PTPRM: variants seen among roughly 807,000 people sequenced by gnomAD.
PTPRM encodes receptor-type tyrosine-protein phosphatase mu.
In PTPRM, 47 loss-of-function variants were observed where a neutral mutation model predicts 186.7. The observed-to-expected ratio is 0.25, with a 90% CI of 0.20 to 0.32. PTPRM has a LOEUF of 0.32. PTPRM is among the 10% of genes least tolerant of loss of function. The pLI, the probability that PTPRM is intolerant of heterozygous loss-of-function variation, is 1.00. For missense variants in PTPRM, 1,494 were observed against 1,865.0 expected, an observed-to-expected ratio of 0.80 and a Z score of 3.66; for synonymous variants, 668 against 674.9, an observed-to-expected ratio of 0.99 and a Z score of 0.16.
At chr18:7,809,566 G>C (rs374658778) in intron 2 of PTPRM, among the ~76,000 whole-genome samples, 2 of 152,180 alleles carry the variant, frequency 1.3e-5, no homozygotes, top group African/African-American at 4.8e-5. Flanking sequence ...GTAGCTCCTC[G>C]GTCCTCCACG....
At chr18:7,601,819 T>C (rs563291965) in intron 1 of PTPRM, among the ~76,000 whole-genome samples, 1 of 152,352 alleles carries the variant, frequency 6.6e-6, no homozygotes, top group East Asian at 1.9e-4. Flanking sequence ...GTAATCTACA[T>C]TCTCATACAT....
intron 1 of PTPRM, among the ~76,000 whole-genome samples, chr18:7,694,386 C>G: frequency 6.6e-6 from 1 of 151,394 alleles, no homozygotes; most frequent in Admixed American, 6.6e-5. Flanking sequence ...TAGGTGTAGA[C>G]AGTCAATAGT....
At chr18:8,018,790 A>G (rs1223384104) in intron 7 of PTPRM, among the ~76,000 whole-genome samples, 1 of 152,316 alleles carries the variant, frequency 6.6e-6, no homozygotes, top group Middle Eastern at 3.4e-3. Context: ...TCAGAATAGT[A>G]TAGGTGACAT....
At chr18:8,148,645 T>G (rs1341801142) in intron 14 of PTPRM, among the ~76,000 whole-genome samples, 1 of 152,184 alleles carries the variant, frequency 6.6e-6, no homozygotes, top group Non-Finnish European at 1.5e-5. Context: ...CGTGTCTGTA[T>G]GTCCTTCAGT....
rs140684705 is a variant in PTPRM at position 8,315,066 on chromosome 18, A to C, written c.2919+209A>C. Among the ~76,000 whole-genome samples the C allele has an allele frequency of 4.2e-3, 633 of 152,330 alleles. 2 individuals carry two copies. In the Middle Eastern group the frequency reaches 0.044, roughly 11 times the overall value. On this transcript the variant is annotated intron_variant, in intron 21 of 32. Coordinates refer to ENST00000580170, the MANE Select transcript of PTPRM (RefSeq NM_001105244.2). ...GCTCAATCTAAAAGCAAACACATGAATATTACCCTGCACACCACAGAACTT... is the reference window on the plus strand; with the variant it reads ...GCTCAATCTAAAAGCAAACACATGACTATTACCCTGCACACCACAGAACTT...
At chr18:7,649,766 T>C (rs1186100566) in intron 1 of PTPRM, among the ~76,000 whole-genome samples, 1 of 151,610 alleles carries the variant, frequency 6.6e-6, no homozygotes, top group Non-Finnish European at 1.5e-5. Flanking sequence ...AGAAAAAAAA[T>C]GAAATTGCCA....
intron 1 of PTPRM, among the ~76,000 whole-genome samples, chr18:7,654,663 C>A (rs1010741730): frequency 6.6e-6 from 1 of 152,184 alleles, no homozygotes; most frequent in Non-Finnish European, 1.5e-5. Context: ...CAATCTTCTG[C>A]ATATGGCTAG....
chr18:7,975,805 T>C (rs2054894028), intron 7 of PTPRM, among the ~76,000 whole-genome samples: 1 of 152,226 alleles, frequency 6.6e-6, no homozygotes, highest in Non-Finnish European at 1.5e-5. Flanking sequence ...AGCTATCCCA[T>C]CTAGATTTGT....
chr18:7,805,756 A>G (rs141821926), intron 2 of PTPRM, among the ~76,000 whole-genome samples: 128 of 152,334 alleles, frequency 8.4e-4, no homozygotes, highest in African/African-American at 2.8e-3. Flanking sequence ...AATGCTTAGT[A>G]AATTTACTAT....
At chr18:8,347,182 A>G (rs766261717) in intron 23 of PTPRM, among the ~76,000 whole-genome samples, 9 of 152,242 alleles carry the variant, frequency 5.9e-5, no homozygotes, top group African/African-American at 1.2e-4. Context: ...CACACGTTCA[A>G]TATTTGCACT....
rs199590093 is a variant in PTPRM at position 7,764,601 on chromosome 18, ACT to A, written c.74-9545_74-9544del. ...TGGAGCCACCTGGAGAGTTGTTGAA[ACT>A]CTGGCTGCCGGGCCCAACCCCCAGA... On this transcript the variant is annotated intron_variant, in intron 1 of 32. Transcript: ENST00000580170. Among the ~76,000 whole-genome samples the A allele has an allele frequency of 2.5e-3, 373 of 151,896 alleles. 1 individual carries two copies. The highest frequency in any genetic ancestry group is 8.5e-3 in the African/African-American group (353 of 41,412).
At chr18:7,728,033 A>G (rs771109084) in intron 1 of PTPRM, among the ~76,000 whole-genome samples, 6 of 152,142 alleles carry the variant, frequency 3.9e-5, no homozygotes, top group Non-Finnish European at 5.9e-5. Context: ...TTCGGACCCA[A>G]ATCTTCTTGT....
chr18:7,926,634 A>T lies in PTPRM; in HGVS notation c.614A>T (p.Gln205Leu). The T allele has an allele frequency of 6.2e-7, 1 of 1,613,818 alleles. No individual in the cohort carries two copies. The highest frequency in any genetic ancestry group is 8.5e-7 in the Non-Finnish European group (1 of 1,179,976). The change falls in exon 5 of 33, where the codon CAG (glutamine) becomes CTG (leucine). Residue 205 changes from glutamine to leucine, a missense_variant. By Grantham distance (113) the Gln-to-Leu change is moderately radical. Coordinates refer to ENST00000580170, the MANE Select transcript of PTPRM (RefSeq NM_001105244.2). ...AATGCTGGCCAGTTTGCTACCTTCC[A>T]GTGCAGTGCCATCGGCAGGACCGTG... ...EVNAGQFATF[Q>L]CSAIGRTVAG... is the part of the protein sequence containing the mutation.
intron 23 of PTPRM, among the ~76,000 whole-genome samples, chr18:8,365,255 G>C (rs1311730728): frequency 7.9e-5 from 12 of 152,142 alleles, no homozygotes; most frequent in Admixed American, 7.9e-4. Flanking sequence ...TTATTGCCTT[G>C]AGCAAGCCAC....
intron 7 of PTPRM, among the ~76,000 whole-genome samples, chr18:8,017,430 A>G (rs2147928099): frequency 6.6e-6 from 1 of 152,112 alleles, no homozygotes; most frequent in South Asian, 2.1e-4. Flanking sequence ...TAAAAATACA[A>G]AAATTAGTTG....
intron 2 of PTPRM, among the ~76,000 whole-genome samples, chr18:7,797,295 C>T (rs1292333607): frequency 6.6e-6 from 1 of 152,200 alleles, no homozygotes; most frequent in East Asian, 1.9e-4. Flanking sequence ...CTGTCCTGTC[C>T]TGAGGTCCAC....
At chr18:7,954,675 T>G (rs1894161028) in intron 6 of PTPRM, among the ~76,000 whole-genome samples, 1 of 151,888 alleles carries the variant, frequency 6.6e-6, no homozygotes, top group Non-Finnish European at 1.5e-5. Context: ...TTAACTTTAG[T>G]GGAAAAAAAA....
At chr18:8,025,904 C>T (rs1487529145) in intron 7 of PTPRM, among the ~76,000 whole-genome samples, 1 of 152,132 alleles carries the variant, frequency 6.6e-6, no homozygotes, top group Non-Finnish European at 1.5e-5. Flanking sequence ...ATGTGTGCTG[C>T]ACAGGTAAAC....
At chr18:8,366,356 C>T (rs921881454) in intron 23 of PTPRM, among the ~76,000 whole-genome samples, 9 of 152,204 alleles carry the variant, frequency 5.9e-5, no homozygotes, top group Non-Finnish European at 1.3e-4. Flanking sequence ...TTGTTCAAAG[C>T]GCACATTTTC....
Sources: gnomAD v4.1 joint callset for allele counts (sites outside exome capture counted in the v4.1 genomes callset) on GRCh38, gnomAD v4.1.1 for gene constraint, MANE v1.5 for transcripts, NCBI Gene and HGNC (gene_info 2026-07-23, HGNC 2026-07-21) for gene names.